The following WDR20 variants were observed in gnomAD, a reference collection of about 807,000 sequenced individuals.
The protein encoded by WDR20 is WD repeat-containing protein 20.
Under a neutral mutation model 38.7 loss-of-function variants are expected in WDR20, and 3 were observed. The ratio of observed to expected loss-of-function variants is 0.08; its 90% CI spans 0.04 to 0.20. WDR20 has a LOEUF of 0.20. Among genes scored for constraint, WDR20 ranks in the 10% least tolerant of loss-of-function variants. The probability of loss-of-function intolerance (pLI) is 1.00; values close to 1 mark genes in which losing one functional copy is unlikely to be tolerated. For missense variants in WDR20, 559 were observed against 727.7 expected, an observed-to-expected ratio of 0.77 and a Z score of 2.67; for synonymous variants, 298 against 285.6, an observed-to-expected ratio of 1.04 and a Z score of -0.44.
At chr14:102,163,344 C>T (rs905074605) in intron 1 of WDR20, among the ~76,000 whole-genome samples, 5 of 152,062 alleles carry the variant, frequency 3.3e-5, no homozygotes, top group African/African-American at 1.2e-4. Flanking sequence ...ATTACTCAGT[C>T]TGGCCAGGTG....
rs749997990 is a variant in WDR20, at chr14:102,223,153, TAATTA to T, written c.*275_*279del. The stretch of plus-strand genomic sequence containing the variant: ...TTGCTTTTTACTCTAAAATTCAATG[TAATTA>T]AATTTCATATATATATAATATATAC... On this transcript the variant is annotated 3_prime_UTR_variant, in exon 4 of 4. Coordinates refer to the WDR20 transcript ENST00000335263. The T allele has an allele frequency of 1.1e-4, 31 of 272,230 alleles. 1 individual carries two copies. The highest frequency in any genetic ancestry group is 2.1e-4 in the Non-Finnish European group (31 of 145,256). 16.9% of individuals were successfully genotyped at this position (272,230 alleles called of 1,614,324 possible).
At chr14:102,188,277 C>T (rs1251883357) in intron 1 of WDR20, among the ~76,000 whole-genome samples, 1 of 152,172 alleles carries the variant, frequency 6.6e-6, no homozygotes, top group Non-Finnish European at 1.5e-5. Flanking sequence ...CCACAGGCTT[C>T]CCAAAGCCCC....
chr14:102,205,446 G>A (rs1347024158), intron 2 of WDR20, among the ~76,000 whole-genome samples: 3 of 152,198 alleles, frequency 2.0e-5, no homozygotes, highest in African/African-American at 7.2e-5. Flanking sequence ...CCGGAATGGA[G>A]TAGAAGAATG....
At chr14:102,182,184 GA>G (rs1944695376) in intron 1 of WDR20, among the ~76,000 whole-genome samples, 1 of 152,056 alleles carries the variant, frequency 6.6e-6, no homozygotes, top group Non-Finnish European at 1.5e-5. Context: ...ATATATTAGA[GA>G]AAAAATAGGG....
intron 1 of WDR20, among the ~76,000 whole-genome samples, chr14:102,169,007 C>T (rs1166570625): frequency 6.6e-6 from 1 of 152,196 alleles, no homozygotes; most frequent in African/African-American, 2.4e-5. Flanking sequence ...TTCTATAGCG[C>T]TTAGAATAAG....
chr14:102,218,173 C>T (rs916013047), downstream of WDR20, among the ~76,000 whole-genome samples: 1 of 152,182 alleles, frequency 6.6e-6, no homozygotes, highest in African/African-American at 2.4e-5. Context: ...GGCCTGTGTG[C>T]GTCTTACTTT....
chr14:102,214,791 C>A (rs146708751), downstream of WDR20: 19,038 of 978,584 alleles, frequency 0.019, 205 homozygotes, highest in Non-Finnish European at 0.021. Context: ...AAATTAAATT[C>A]TTTACTGTTG....
chr14:102,140,223 G>A (rs1186919017), intron 1 of WDR20, 51 bp downstream of exon 1: 1 of 1,598,306 alleles, frequency 6.3e-7, no homozygotes. Flanking sequence ...GCAGAGGCCG[G>A]GAGCAGGGCG....
In WDR20 at chr14:102,210,396, AG is replaced by A. The variant is rs1300790314; in HGVS notation, c.*517del. ...ATTTAACTTTAGGAACAAAACGTTTAGCAGGGTTGATTGATATTATTTTTAC... is the reference window on the plus strand; with the variant it reads ...ATTTAACTTTAGGAACAAAACGTTTACAGGGTTGATTGATATTATTTTTAC... On this transcript the variant is annotated 3_prime_UTR_variant, in exon 3 of 3. Coordinates refer to ENST00000342702, the MANE Select transcript of WDR20 (RefSeq NM_144574.4). The A allele has an allele frequency of 6.8e-5, 67 of 985,532 alleles. No homozygotes were observed. The highest frequency in any genetic ancestry group is 7.8e-5 in the Non-Finnish European group (65 of 830,044). The allele number at this position is 985,532 out of a possible 1,614,324, so 61.0% of individuals were successfully genotyped here. A position where few individuals can be genotyped will look rare whatever the true frequency, so the allele number is the denominator to read the frequency against.
downstream of WDR20, chr14:102,214,196 G>T (rs796195907): frequency 2.0e-6 from 2 of 985,676 alleles, no homozygotes; most frequent in African/African-American, 3.5e-5. Flanking sequence ...TGGTCTGGGT[G>T]ACAAAGGTGA....
At chr14:102,196,586 G>A (rs533177916) in intron 2 of WDR20, among the ~76,000 whole-genome samples, 39 of 152,154 alleles carry the variant, frequency 2.6e-4, no homozygotes, top group Non-Finnish European at 5.3e-4. Context: ...ACAAGACCCG[G>A]AGGCAGCCCT....
rs1220744866 is a variant in WDR20, at chr14:102,195,128, G to A, written c.432+8G>A. The stretch of plus-strand genomic sequence containing the variant: ...AAACTTTTTAATGAGGAAGTAAGTA[G>A]CACCCTGTCTTAGCTGTTAAGAATC... On this transcript the variant is annotated splice_region_variant and intron_variant, in intron 2 of 2. Coordinates refer to ENST00000342702, the MANE Select transcript of WDR20 (RefSeq NM_144574.4). The A allele has an allele frequency of 6.2e-7, 1 of 1,613,710 alleles. No homozygotes were observed. The highest frequency in any genetic ancestry group is 1.1e-5 in the South Asian group (1 of 91,016).
rs1210828195 is a variant in WDR20 at position 102,208,383 on chromosome 14, C to T, written c.433-220C>T. On this transcript the variant is annotated intron_variant, in intron 2 of 2. Transcript: ENST00000342702. This position sits in a 1 kb window ranked among gnomAD's most constrained non-coding sequence, Gnocchi z 5.6. ...TATCTGTTGGCTGCCTGACTCCCTC[C>T]GTGAAAGCCAGCAGCCTAACACCGA... Among the ~76,000 whole-genome samples the T allele has an allele frequency of 6.6e-6, 1 of 152,222 alleles. No homozygotes were observed. Among genetic ancestry groups the T allele is most frequent in the African/African-American group, 2.4e-5 (1 of 41,458 alleles).
At chr14:102,168,723 G>C (rs1467025732) in intron 1 of WDR20, among the ~76,000 whole-genome samples, 1 of 152,160 alleles carries the variant, frequency 6.6e-6, no homozygotes, top group African/African-American at 2.4e-5. Flanking sequence ...TCACCTGTGA[G>C]TTCTTTTTTT....
Position 102,210,147 on chromosome 14 carries a change from T to A in WDR20, c.*267T>A. 1.8e-6 allele frequency: 2 copies of A among 1,131,320 alleles called. No homozygotes were observed. The highest frequency in any genetic ancestry group is 2.2e-6 in the Non-Finnish European group (2 of 923,452). 70.1% of individuals were successfully genotyped at this position (1,131,320 alleles called of 1,614,324 possible). ...TATAGAGTCCCAAGGTTAGCGCTCCTGTATTAGACTATTTCAATTTTAGGA... is the reference window on the plus strand; with the variant it reads ...TATAGAGTCCCAAGGTTAGCGCTCCAGTATTAGACTATTTCAATTTTAGGA... On this transcript the variant is annotated 3_prime_UTR_variant, in exon 3 of 3. Coordinates refer to ENST00000342702, the MANE Select transcript of WDR20 (RefSeq NM_144574.4).
intron 1 of WDR20, among the ~76,000 whole-genome samples, chr14:102,186,479 A>G (rs185468380): frequency 1.4e-4 from 21 of 152,310 alleles, no homozygotes; most frequent in African/African-American, 4.8e-4. Flanking sequence ...GCTTTGTTCA[A>G]AAGGTGAATA....
chr14:102,166,149 A>ACC (rs1181927964), intron 1 of WDR20, among the ~76,000 whole-genome samples: 2 of 116,498 alleles, frequency 1.7e-5, no homozygotes, highest in South Asian at 6.1e-4. Flanking sequence ...ATAGGCGTGT[A>ACC]CCACCACGCC....
At chr14:102,186,687 C>T (rs2064846052) in intron 1 of WDR20, among the ~76,000 whole-genome samples, 1 of 152,088 alleles carries the variant, frequency 6.6e-6, no homozygotes. Context: ...CGCAGTGGCT[C>T]ACATCTGTAA....
In WDR20 at chr14:102,220,727, A is replaced by G. The variant is rs2153066899; in HGVS notation, c.1693-2103A>G. Among the ~76,000 whole-genome samples the G allele has an allele frequency of 6.6e-6, 1 of 152,110 alleles. No individual in the cohort carries two copies. The highest frequency in any genetic ancestry group is 3.4e-3 in the Middle Eastern group (1 of 294). On this transcript the variant is annotated intron_variant, in intron 3 of 3. Transcript: ENST00000335263. The surrounding 1 kb of genome is among the most constrained non-coding windows in gnomAD (Gnocchi z 4.2). ...AAAGTGAGACTCCGTCTCAAAAAAA[A>G]AAAAAAAAAAGAAAATATTAAAATT...
Sources: gnomAD v4.1 joint callset for allele counts (sites outside exome capture counted in the v4.1 genomes callset) on GRCh38, gnomAD v4.1.1 for gene constraint, Gnocchi (gnomAD v3.1) non-coding constraint, MANE v1.5 for transcripts, NCBI Gene and HGNC (gene_info 2026-07-23, HGNC 2026-07-21) for gene names.